Variants in UGT1A8 observed in about 807,000 individuals in gnomAD.
UGT1A8 encodes UDP glucuronosyltransferase family 1 member A8, also known as UDP-glucuronosyltransferase 1A8.
UGT1A8 carries 39 observed loss-of-function variants against 45.3 expected under a neutral mutation model. The observed-to-expected ratio is 0.86, with a 90% confidence interval of 0.67 to 1.12. The LOEUF is 1.12. Among genes scored for constraint, UGT1A8 ranks in the 50% most tolerant of loss-of-function variants. The probability of loss-of-function intolerance (pLI) is 0.00; values close to 1 mark genes in which losing one functional copy is unlikely to be tolerated. For missense variants in UGT1A8, 719 were observed against 664.9 expected, an observed-to-expected ratio of 1.08 and a Z score of -0.90; for synonymous variants, 275 against 249.2, an observed-to-expected ratio of 1.10 and a Z score of -0.97.
intron 1 of UGT1A8, chr2:233,748,135 T>A (rs1220195478): frequency 6.8e-6 from 11 of 1,609,160 alleles, no homozygotes; most frequent in Admixed American, 3.3e-5. Context: ...TTTTTAAAAA[T>A]TGTATTTACT....
intron 1 of UGT1A8, among the ~76,000 whole-genome samples, chr2:233,717,379 C>T (rs2076569575): frequency 6.6e-6 from 1 of 152,218 alleles, no homozygotes; most frequent in Non-Finnish European, 1.5e-5. Flanking sequence ...CCTTACAGAC[C>T]TGCCCTCTCT....
chr2:233,735,695 G>A (rs1439239319), intron 1 of UGT1A8, among the ~76,000 whole-genome samples: 1 of 151,962 alleles, frequency 6.6e-6, no homozygotes, highest in Non-Finnish European at 1.5e-5. Flanking sequence ...GCTCTTGTAA[G>A]GCAGGCCTGG....
chr2:233,661,203 T>A (rs2073957521), intron 1 of UGT1A8, among the ~76,000 whole-genome samples: 1 of 151,828 alleles, frequency 6.6e-6, no homozygotes. Context: ...TCCCCAACAG[T>A]CTGGTCTATT....
At chr2:233,756,340 T>C (rs1696187802) in intron 1 of UGT1A8, 1 of 152,248 alleles carries the variant, frequency 6.6e-6, no homozygotes, top group Non-Finnish European at 1.5e-5. Flanking sequence ...AGTCATCTCT[T>C]GATTACTTTT....
intron 1 of UGT1A8, among the ~76,000 whole-genome samples, chr2:233,711,664 A>G (rs527821361): frequency 2.0e-5 from 3 of 152,284 alleles, no homozygotes; most frequent in Admixed American, 6.5e-5. Context: ...GGTGGAATCT[A>G]TTATCAATGT....
chr2:233,748,080 G>T, intron 1 of UGT1A8: 3 of 1,613,126 alleles, frequency 1.9e-6, no homozygotes, highest in South Asian at 2.2e-5. Flanking sequence ...ACTATCTCAG[G>T]TCGGTGTTCG....
chr2:233,757,535 A>AATATATATACATATACATATATATAT lies in UGT1A8; in HGVS notation c.856-9490_856-9489insCATATACATATATATATATATATATA, dbSNP rs376887521. On this transcript the variant is annotated intron_variant, in intron 1 of 4. Transcript: ENST00000373450. ...CAAAGCCAAAATCTTGCCTGTAAGG[A>AATATATATACATATACATATATATAT]ATATATATATATATATATATATATA... 7.4e-3 allele frequency among the ~76,000 whole-genome samples: 638 copies of AATATATATACATATACATATATATAT among 85,730 alleles called. 7 individuals carry two copies. Among genetic ancestry groups the AATATATATACATATACATATATATAT allele is most frequent in the African/African-American group, 0.011 (216 of 19,360 alleles). 56.2% of individuals were successfully genotyped at this position (85,730 alleles called of 152,430 possible).
chr2:233,637,512 T>C, intron 1 of UGT1A8: 2 of 1,471,440 alleles, frequency 1.4e-6, no homozygotes, highest in Non-Finnish European at 1.8e-6. Context: ...AATTATTTTG[T>C]GCGAATTCAT....
At chr2:233,672,759 C>G (rs1294550035) in intron 1 of UGT1A8, 5 of 1,613,812 alleles carry the variant, frequency 3.1e-6, no homozygotes, top group Non-Finnish European at 3.4e-6. Context: ...TTGGTGGTAT[C>G]AACTGCCATC....
In UGT1A8 at chr2:233,729,398, G is replaced by A. The variant is rs540607993; in HGVS notation, c.856-37636G>A. On this transcript the variant is annotated intron_variant, in intron 1 of 4. Coordinates refer to ENST00000373450, the MANE Select transcript of UGT1A8 (RefSeq NM_019076.5). The stretch of plus-strand genomic sequence containing the variant: ...TCGTGGACCCAGGATGAATTTGATC[G>A]CCATGTGCTGGGCCACACTCAACTG... 219 of 1,613,654 alleles carry A rather than the reference G, an allele frequency of 1.4e-4. 1 individual carries two copies. The South Asian group carries it at 1.7e-3, about 12-fold the overall frequency.
At chr2:233,713,703 C>G (rs561558353) in intron 1 of UGT1A8, 2 of 1,613,916 alleles carry the variant, frequency 1.2e-6, no homozygotes, top group East Asian at 2.2e-5. Context: ...TGCCTCTGAG[C>G]TTTTTCAGAG....
At chr2:233,693,061 A>T (rs1042707) in intron 1 of UGT1A8, 1 of 1,614,096 alleles carries the variant, frequency 6.2e-7, no homozygotes, top group Non-Finnish European at 8.5e-7. Context: ...TCTTCTTAGC[A>T]CTTTGGGGCA....
intron 1 of UGT1A8, chr2:233,637,206 A>G (rs45522639): frequency 1.2e-6 from 2 of 1,613,984 alleles, no homozygotes; most frequent in South Asian, 1.1e-5. Flanking sequence ...GAAATGCCCT[A>G]GAAATAGCCT....
intron 1 of UGT1A8, among the ~76,000 whole-genome samples, chr2:233,655,514 TG>T (rs2073835386): frequency 6.6e-6 from 1 of 152,176 alleles, no homozygotes; most frequent in South Asian, 2.1e-4. Context: ...TCATTTCCAA[TG>T]GGTGACAAGT....
intron 1 of UGT1A8, chr2:233,693,769 A>G (rs1451230147): frequency 6.2e-7 from 1 of 1,614,160 alleles, no homozygotes; most frequent in Non-Finnish European, 8.5e-7. Context: ...TTTGGCTGTT[A>G]AGATATGACT....
chr2:233,770,703 G>C (rs1283135440), intron 4 of UGT1A8: 2 of 151,540 alleles, frequency 1.3e-5, no homozygotes, highest in African/African-American at 4.8e-5. Flanking sequence ...TCATCTTAAG[G>C]TTTATGTAAA....
At chr2:233,724,154 G>T (rs1327662182) in intron 1 of UGT1A8, among the ~76,000 whole-genome samples, 4 of 77,654 alleles carry the variant, frequency 5.2e-5, no homozygotes, top group Admixed American at 3.5e-4. Flanking sequence ...CTGGCCGGGT[G>T]GGGGGGCTGA....
rs1171527500 is a variant in UGT1A8, at chr2:233,760,898, T to C, written c.856-6136T>C. 2 of 1,613,998 alleles carry C rather than the reference T, an allele frequency of 1.2e-6. No homozygotes were observed. Among genetic ancestry groups the C allele is most frequent in the Non-Finnish European group, 1.7e-6 (2 of 1,180,014 alleles). On this transcript the variant is annotated intron_variant, in intron 1 of 4. Transcript: ENST00000373450. ...CCTCTCTCCTCTCATTCAGATCACA[T>C]GACCTTCCTGCAGCGGGTGAAGAAC...
intron 1 of UGT1A8, among the ~76,000 whole-genome samples, chr2:233,766,257 A>G (rs1699081687): frequency 1.3e-5 from 2 of 151,512 alleles, no homozygotes; most frequent in African/African-American, 2.4e-5. Context: ...CAGACCGCTC[A>G]GTGGCCCGGG....
Sources: gnomAD v4.1 joint callset for allele counts (sites outside exome capture counted in the v4.1 genomes callset) on GRCh38, gnomAD v4.1.1 for gene constraint, MANE v1.5 for transcripts, NCBI Gene and HGNC (gene_info 2026-07-23, HGNC 2026-07-21) for gene names.